Variants in WDFY3 observed in about 807,000 individuals in gnomAD.
The protein encoded by WDFY3 is WD repeat and FYVE domain containing 3, also known as WD repeat and FYVE domain-containing protein 3.
WDFY3 carries 66 observed loss-of-function variants against 409.6 expected under a neutral mutation model. The observed-to-expected ratio is 0.16, with a 90% confidence interval of 0.13 to 0.20. WDFY3 has a LOEUF of 0.20. WDFY3 is among the 10% of genes least tolerant of loss of function. The probability of loss-of-function intolerance (pLI) is 1.00; values close to 1 mark genes in which losing one functional copy is unlikely to be tolerated. For missense variants in WDFY3, 3,031 were observed against 4,298.1 expected (o/e 0.71, Z 8.24); for synonymous variants, 1,521 against 1,537.1 (o/e 0.99, Z 0.25).
At chr4:84,760,803 C>A (rs1368699979) in intron 32 of WDFY3, among the ~76,000 whole-genome samples, 1 of 146,008 alleles carries the variant, frequency 6.8e-6, no homozygotes, top group Non-Finnish European at 1.5e-5. Context: ...GTCTCTATTT[C>A]CTTCAGTTCT....
chr4:84,780,025 T>C, intron 26 of WDFY3, 83 bp downstream of exon 26: 1 of 1,389,914 alleles, frequency 7.2e-7, no homozygotes, highest in East Asian at 2.4e-5. Context: ...TCTTCCAGAG[T>C]TTCAAACAAC....
At position 84,679,033 on chromosome 4, in the gene WDFY3, C is replaced by T. The variant is rs1316445541; in HGVS notation, c.10033G>A (p.Gly3345Ser). ...SDQLSLDEKDGFIFVNYSEGQ... is the reference protein window; with the variant it reads ...SDQLSLDEKDSFIFVNYSEGQ... ...TCTGAATAGTTCACAAATATGAAGC[C>T]GTCTTTCTCATCTAGACTGAGCTGG... The change falls in exon 65 of 68, where the codon GGC (glycine) becomes AGC (serine). Residue 3345 changes from glycine (G) to serine (S), a missense_variant. By Grantham distance (56) the Gly-to-Ser change is moderately conservative. Around this residue, in one of 16 missense-constraint regions of WDFY3, gnomAD observed 378 missense variants for 477.3 expected, o/e 0.79. Coordinates refer to ENST00000295888, the MANE Select transcript of WDFY3 (RefSeq NM_014991.6). 6 of 1,614,210 alleles carry T rather than the reference C, an allele frequency of 3.7e-6. No homozygotes were observed. The highest frequency in any genetic ancestry group is 4.2e-6 in the Non-Finnish European group (5 of 1,180,048).
At chr4:84,733,695 A>G (rs940507885) in intron 43 of WDFY3, 86 bp from the exon 44 acceptor site, 2 of 1,283,220 alleles carry the variant, frequency 1.6e-6, no homozygotes, top group Non-Finnish European at 2.2e-6. Flanking sequence ...TCAAGTTATT[A>G]TTTGGAAACA....
chr4:84,818,740 A>T (rs970786039), intron 12 of WDFY3, among the ~76,000 whole-genome samples: 1 of 152,106 alleles, frequency 6.6e-6, no homozygotes, highest in Admixed American at 6.6e-5. Context: ...ACTATGAGTA[A>T]AGTACTGTTT....
At chr4:84,768,958 A>C (rs1050105780) in intron 30 of WDFY3, among the ~76,000 whole-genome samples, 1 of 152,168 alleles carries the variant, frequency 6.6e-6, no homozygotes, top group African/African-American at 2.4e-5. Flanking sequence ...CATTAACAGG[A>C]GTTGGAAGAA....
At chr4:84,907,450 C>T (rs1692216538) in intron 2 of WDFY3, among the ~76,000 whole-genome samples, 2 of 152,124 alleles carry the variant, frequency 1.3e-5, no homozygotes, top group Admixed American at 1.3e-4. Flanking sequence ...AAGGTTTCTG[C>T]TGACAGCTAG....
intron 3 of WDFY3, among the ~76,000 whole-genome samples, chr4:84,881,566 T>A (rs1175474753): frequency 6.7e-6 from 1 of 148,892 alleles, no homozygotes; most frequent in African/African-American, 2.5e-5. Context: ...CTAACTAGAA[T>A]ATGATCGTTA....
intron 1 of WDFY3, among the ~76,000 whole-genome samples, chr4:84,933,337 C>A (rs1324040860): frequency 6.6e-6 from 1 of 152,046 alleles, no homozygotes; most frequent in African/African-American, 2.4e-5. Context: ...CATTACCTGG[C>A]TGGTTCTATT....
chr4:84,910,421 T>C (rs1767602470), intron 2 of WDFY3, among the ~76,000 whole-genome samples: 1 of 151,926 alleles, frequency 6.6e-6, no homozygotes, highest in Admixed American at 6.6e-5. Context: ...AAATCAAATA[T>C]ATAATATAAT....
At chr4:84,738,905 T>C in intron 40 of WDFY3, 105 bp downstream of exon 40, 6 of 1,116,178 alleles carry the variant, frequency 5.4e-6, no homozygotes, top group East Asian at 4.8e-5. Flanking sequence ...ACTGGGAGAG[T>C]TGCTATCAAT....
intron 47 of WDFY3, among the ~76,000 whole-genome samples, chr4:84,720,878 T>C (rs1734755065): frequency 1.3e-5 from 2 of 152,086 alleles, no homozygotes; most frequent in South Asian, 4.1e-4. Flanking sequence ...TGTACCAGGC[T>C]GCAGGGGCTC....
At chr4:84,820,932 T>C in intron 11 of WDFY3, 152 bp downstream of exon 11, 1 of 749,728 alleles carries the variant, frequency 1.3e-6, no homozygotes, top group Non-Finnish European at 2.1e-6. Context: ...AATGAACCTG[T>C]AAATTTTGGA....
intron 2 of WDFY3, among the ~76,000 whole-genome samples, chr4:84,928,743 C>T (rs994649825): frequency 2.6e-5 from 4 of 152,096 alleles, no homozygotes; most frequent in Non-Finnish European, 5.9e-5. Flanking sequence ...ATCTTAATAA[C>T]CTCAGACCTC....
At chr4:84,792,795 C>T (rs1470297663) in intron 21 of WDFY3, among the ~76,000 whole-genome samples, 3 of 152,186 alleles carry the variant, frequency 2.0e-5, no homozygotes, top group Non-Finnish European at 2.9e-5. Context: ...TCAAATTCCC[C>T]ATTATTATTC....
At chr4:84,944,609 A>G (rs1561132081) in intron 1 of WDFY3, among the ~76,000 whole-genome samples, 1 of 151,550 alleles carries the variant, frequency 6.6e-6, no homozygotes, top group East Asian at 2.0e-4. Flanking sequence ...GGATCATCTG[A>G]GGTCAAGAGT....
At chr4:84,952,804 T>C (rs1192215123) in intron 1 of WDFY3, among the ~76,000 whole-genome samples, 1 of 152,188 alleles carries the variant, frequency 6.6e-6, no homozygotes. Context: ...ACATCTGTCA[T>C]TAATGTAGCA....
intron 44 of WDFY3, among the ~76,000 whole-genome samples, chr4:84,728,221 A>C (rs1015085929): frequency 1.3e-5 from 2 of 152,136 alleles, no homozygotes; most frequent in Non-Finnish European, 2.9e-5. Flanking sequence ...AAAACAAAAC[A>C]AAACAAACAA....
At chr4:84,923,914 C>T (rs922589482) in intron 2 of WDFY3, among the ~76,000 whole-genome samples, 1 of 152,028 alleles carries the variant, frequency 6.6e-6, no homozygotes, top group Non-Finnish European at 1.5e-5. Flanking sequence ...GTGGGAGAAT[C>T]GATAGAGCCC....
In WDFY3 at chr4:84,885,679, A is replaced by G. The variant is rs146243846; in HGVS notation, c.-32+11232T>C. Among the ~76,000 whole-genome samples the G allele has an allele frequency of 2.7e-3, 411 of 152,354 alleles. 2 individuals are homozygous for G. Among genetic ancestry groups the G allele is most frequent in the African/African-American group, 9.6e-3 (401 of 41,578 alleles). Reference sequence around the variant, plus strand: ...GAGGTGTTAGAGGTGTTTTAATTTAATTAGTATTCAGAGCAATACAAATTG... The same window carrying G: ...GAGGTGTTAGAGGTGTTTTAATTTAGTTAGTATTCAGAGCAATACAAATTG... On this transcript the variant is annotated intron_variant, in intron 3 of 67. Transcript: ENST00000295888.
Sources: gnomAD v4.1 joint callset for allele counts (sites outside exome capture counted in the v4.1 genomes callset) on GRCh38, gnomAD v4.1.1 for gene constraint, gnomAD v4.1.1 regional missense constraint, MANE v1.5 for transcripts, NCBI Gene and HGNC (gene_info 2026-07-23, HGNC 2026-07-21) for gene names.